CECR2: variants seen among roughly 807,000 people sequenced by gnomAD.
The protein encoded by CECR2 is CECR2 histone acetyl-lysine reader.
In CECR2, 30 loss-of-function variants were observed where a neutral mutation model predicts 154.5. The ratio of observed to expected loss-of-function variants is 0.19; its 90% CI spans 0.15 to 0.26. The LOEUF is 0.26. Among genes scored for constraint, CECR2 ranks in the 10% least tolerant of loss-of-function variants. The pLI, the probability that CECR2 is intolerant of heterozygous loss-of-function variation, is 1.00. For synonymous variants in CECR2, 725 were observed against 683.7 expected, an observed-to-expected ratio of 1.06 and a Z score of -0.94; for missense variants, 1,743 against 1,829.3, an observed-to-expected ratio of 0.95 and a Z score of 0.86.
chr22:17,390,186 G>T (rs1262747569), intron 1 of CECR2, among the ~76,000 whole-genome samples: 1 of 151,736 alleles, frequency 6.6e-6, no homozygotes, highest in Non-Finnish European at 1.5e-5. Flanking sequence ...TTCAGTGTTT[G>T]TCTTTCTTGA....
intron 1 of CECR2, among the ~76,000 whole-genome samples, chr22:17,395,727 GAAA>G (rs1307961377): frequency 1.3e-5 from 2 of 151,946 alleles, no homozygotes; most frequent in East Asian, 3.8e-4. Context: ...TATTTCTACA[GAAA>G]AAAAATTTTG....
chr22:17,408,853 T>C (rs2054024389), intron 1 of CECR2, among the ~76,000 whole-genome samples: 1 of 152,242 alleles, frequency 6.6e-6, no homozygotes, highest in African/African-American at 2.4e-5. Context: ...TTCTCTTGCA[T>C]TTAGAATAGT....
intron 1 of CECR2, among the ~76,000 whole-genome samples, chr22:17,460,537 A>G (rs1175125704): frequency 6.6e-6 from 1 of 152,174 alleles, no homozygotes; most frequent in East Asian, 1.9e-4. Flanking sequence ...GAGGGATTGA[A>G]GGTTATTCAC....
intron 1 of CECR2, among the ~76,000 whole-genome samples, chr22:17,434,626 C>G (rs371059545): frequency 1.3e-5 from 2 of 151,302 alleles, no homozygotes; most frequent in African/African-American, 2.4e-5. Context: ...TAGAACCCCC[C>G]ACTCTTTTTA....
At chr22:17,381,587 C>T (rs759790761) in intron 1 of CECR2, among the ~76,000 whole-genome samples, 1 of 152,022 alleles carries the variant, frequency 6.6e-6, no homozygotes, top group Admixed American at 6.6e-5. Context: ...ATCTCAAAAC[C>T]CAATCAGCCT....
At chr22:17,396,496 G>A (rs1477921195) in intron 1 of CECR2, among the ~76,000 whole-genome samples, 5 of 152,162 alleles carry the variant, frequency 3.3e-5, no homozygotes, top group Admixed American at 2.6e-4. Context: ...GCGGTGAGCC[G>A]GGATTGCACC....
intron 1 of CECR2, chr22:17,477,190 A>G (rs2055222513): frequency 1.4e-6 from 1 of 715,684 alleles, no homozygotes; most frequent in Admixed American, 2.0e-5. Flanking sequence ...TTCATAAACA[A>G]TTACATGAGC....
At chr22:17,447,442 C>G (rs1435825483) in intron 1 of CECR2, among the ~76,000 whole-genome samples, 1 of 151,804 alleles carries the variant, frequency 6.6e-6, no homozygotes, top group East Asian at 1.9e-4. Context: ...CGTGAGCCAC[C>G]GTGCCCGGCT....
intron 1 of CECR2, among the ~76,000 whole-genome samples, chr22:17,377,219 A>G (rs1025879640): frequency 2.9e-4 from 44 of 152,282 alleles, no homozygotes; most frequent in African/African-American, 9.9e-4. Flanking sequence ...CTGCAAATCC[A>G]TACTTGGTGT....
intron 16 of CECR2, among the ~76,000 whole-genome samples, chr22:17,544,517 A>T (rs1255476069): frequency 6.9e-6 from 1 of 145,532 alleles, no homozygotes. Flanking sequence ...AAAAAAAAAA[A>T]GTTAAAAAAT....
At chr22:17,468,590 A>G (rs1288015971) in intron 1 of CECR2, among the ~76,000 whole-genome samples, 1 of 151,974 alleles carries the variant, frequency 6.6e-6, no homozygotes. Flanking sequence ...GTTGATGTGG[A>G]TCACTTGAAC....
intron 1 of CECR2, among the ~76,000 whole-genome samples, chr22:17,384,506 A>T (rs2063236588): frequency 1.3e-5 from 2 of 152,222 alleles, no homozygotes; most frequent in African/African-American, 4.8e-5. Flanking sequence ...GTATATCTCC[A>T]TCAGAGCTCT....
chr22:17,363,806 T>A (rs970956262), intron 1 of CECR2, among the ~76,000 whole-genome samples: 3 of 152,176 alleles, frequency 2.0e-5, no homozygotes, highest in African/African-American at 7.2e-5. Flanking sequence ...GGCTAAATTT[T>A]GTATTTTTTG....
intron 16 of CECR2, among the ~76,000 whole-genome samples, chr22:17,543,466 C>G (rs2056563417): frequency 6.6e-6 from 1 of 152,040 alleles, no homozygotes. Flanking sequence ...CAGATTTGGG[C>G]CAATCACAGT....
chr22:17,369,798 G>C lies in CECR2; in HGVS notation c.15G>C (p.Glu5Asp), dbSNP rs1392930980. 2.6e-5 allele frequency: 4 copies of C among 151,032 alleles called. No homozygotes were observed. Among genetic ancestry groups the C allele is most frequent in the Admixed American group, 6.6e-5 (1 of 15,166 alleles). 9.4% of individuals were successfully genotyped at this position (151,032 alleles called of 1,614,324 possible). A position where few individuals can be genotyped will look rare whatever the true frequency, so the allele number is the denominator to read the frequency against. Residue 5 changes from glutamate to aspartate, a missense_variant, in exon 1 of 19, where the codon GAG (glutamate) becomes GAC (aspartate). Physicochemically the swap from Glu to Asp is conservative, Grantham distance 45. Around this residue, in one of 4 missense-constraint regions of CECR2, gnomAD observed 98 missense variants for 169.3 expected, o/e 0.58. Transcript: ENST00000262608. ...GCAGCGGGGAGATGTGCCCAGAGGA[G>C]GGCGGCGCGGCCGGGCTGGGCGAGC... MCPE[E>D]GGAAGLGELR... is the part of the protein sequence containing the mutation.
chr22:17,552,251 C>CCTTAA, intron 18 of CECR2, 109 bp downstream of exon 18: 1 of 984,338 alleles, frequency 1.0e-6, no homozygotes, highest in Non-Finnish European at 1.5e-6. Context: ...CCTGTGGATA[C>CCTTAA]AGGAACTTTG....
intron 2 of CECR2, among the ~76,000 whole-genome samples, chr22:17,483,947 T>C (rs1445938091): frequency 6.6e-6 from 1 of 152,254 alleles, no homozygotes; most frequent in African/African-American, 2.4e-5. Context: ...ACCTTTTCTA[T>C]GTTTAGATGT....
intron 2 of CECR2, among the ~76,000 whole-genome samples, chr22:17,479,093 T>C (rs776925153): frequency 3.3e-5 from 5 of 152,242 alleles, no homozygotes; most frequent in African/African-American, 4.8e-5. Flanking sequence ...TGACAAGTTA[T>C]GTCTAGCTTT....
chr22:17,378,595 A>G (rs2063148591), intron 1 of CECR2, among the ~76,000 whole-genome samples: 1 of 152,144 alleles, frequency 6.6e-6, no homozygotes, highest in Admixed American at 6.5e-5. Flanking sequence ...CCTCGTTTTA[A>G]GATGTTTAGC....
Sources: allele counts gnomAD v4.1 joint callset (sites outside exome capture counted in the v4.1 genomes callset), GRCh38; gene constraint gnomAD v4.1.1; regional missense constraint gnomAD v4.1.1; transcripts MANE v1.5; gene names NCBI Gene and HGNC (gene_info 2026-07-23, HGNC 2026-07-21).